MUC4: variants seen among roughly 807,000 people sequenced by gnomAD.
MUC4 encodes the protein mucin 4, cell surface associated.
Under a neutral mutation model 257.9 loss-of-function variants are expected in MUC4, and 202 were observed. That is an observed-to-expected ratio of 0.78 (90% CI 0.70 to 0.88). MUC4 has a LOEUF of 0.88. Among genes scored for constraint, MUC4 ranks in the 40% least tolerant of loss-of-function variants. The pLI is 0.00. For synonymous variants in MUC4, 2,351 were observed against 2,757.1 expected (o/e 0.85, Z 4.62); for missense variants, 5,976 against 6,513.7 (o/e 0.92, Z 2.84).
chr3:195,789,204 G>A lies in MUC4; in HGVS notation c.2376C>T (p.Ser792=), dbSNP rs1387921892. The A allele has an allele frequency of 4.3e-6, 7 of 1,613,754 alleles. No individual in the cohort carries two copies. Among genetic ancestry groups the A allele is most frequent in the Non-Finnish European group, 5.1e-6 (6 of 1,179,870 alleles). Residue 792 remains serine (S), a synonymous_variant, in exon 2 of 25, where the codon TCC becomes TCT. Coordinates refer to ENST00000463781, the MANE Select transcript of MUC4 (RefSeq NM_018406.7). ...SGQTQTSEPA[S]SGSRTTSAGT... ...CCGCTGAGGTGGTTCGTGACCCTGA[G>A]GAGGCCGGTTCGCTGGTCTGTGTTT...
Position 195,751,316 on chromosome 3 carries a change from C to G in MUC4, c.15583-45G>C, listed in dbSNP as rs371423242. The G allele has an allele frequency of 4.3e-5, 63 of 1,455,362 alleles. 1 individual carries two copies. In the South Asian group the frequency reaches 6.8e-4, roughly 16 times the overall value. The allele number at this position is 1,455,362 out of a possible 1,614,324, so 90.2% of individuals were successfully genotyped here. A position where few individuals can be genotyped will look rare whatever the true frequency, so the allele number is the denominator to read the frequency against. Reference sequence around the variant, plus strand: ...ATGGGGGTGGGGGTGAGGCCCCATCCGGGGGGGAGACGCCCTCCCACCTTG... The same window carrying G: ...ATGGGGGTGGGGGTGAGGCCCCATCGGGGGGGGAGACGCCCTCCCACCTTG... On this transcript the variant is annotated intron_variant, in intron 21 of 24. Coordinates refer to ENST00000463781, the MANE Select transcript of MUC4 (RefSeq NM_018406.7).
In MUC4 at chr3:195,788,913, T is replaced by C; in HGVS notation, c.2667A>G (p.Ser889=). 6.2e-7 allele frequency: 1 copy of C among 1,613,626 alleles called. No homozygotes were observed. The highest frequency in any genetic ancestry group is 8.5e-7 in the Non-Finnish European group (1 of 1,179,742). The change falls in exon 2 of 25, where the codon TCA becomes TCG. Residue 889 remains serine, a synonymous_variant. Coordinates refer to ENST00000463781, the MANE Select transcript of MUC4 (RefSeq NM_018406.7). The stretch of plus-strand genomic sequence containing the variant: ...GAGAGGCACTGGGAGAAGTTGGGCT[T>C]GACTGTCCTGTCGGTCTCCCTGCAG... ...ASTAGRPTGQ[S]SPTSPSASPQ...
At position 195,749,011 on chromosome 3, in the gene MUC4, C is replaced by A. The variant is rs780387300; in HGVS notation, c.15925G>T (p.Asp5309Tyr). ...YFRCDGYKGY[D>Y]LVYSPQSGFT... Reference sequence around the variant, plus strand: ...CCGCTCTGGGGGCTGTAGACCAGGTCGTAGCCCTTGTAGCCATCGCATCTG... The same window carrying A: ...CCGCTCTGGGGGCTGTAGACCAGGTAGTAGCCCTTGTAGCCATCGCATCTG... Residue 5309 changes from aspartate (D) to tyrosine (Y), a missense_variant, in exon 24 of 25, where the codon GAC becomes TAC. Coordinates refer to ENST00000463781, the MANE Select transcript of MUC4 (RefSeq NM_018406.7). 4.3e-6 allele frequency: 7 copies of A among 1,609,596 alleles called. No homozygotes were observed. The African/African-American group carries it at 9.4e-5, about 22-fold the overall frequency.
chr3:195,767,435 T>TCCC lies in MUC4; in HGVS notation c.13530-685_13530-684insGGG, dbSNP rs1560260111. The stretch of plus-strand genomic sequence containing the variant: ...GTCACCACCAACACTACCATCACCA[T>TCCC]CACCATCACCACCACCACCACCAAC... On this transcript the variant is annotated intron_variant, in intron 7 of 24. Transcript: ENST00000463781. Among the ~76,000 whole-genome samples the TCCC allele has an allele frequency of 7.7e-4, 75 of 97,356 alleles. 1 individual carries two copies. The highest frequency in any genetic ancestry group is 3.1e-3 in the Admixed American group (33 of 10,622). 63.9% of individuals were successfully genotyped at this position (97,356 alleles called of 152,430 possible). A position where few individuals can be genotyped will look rare whatever the true frequency, so the allele number is the denominator to read the frequency against.
chr3:195,774,785 A>C (rs1194371053), intron 3 of MUC4, among the ~76,000 whole-genome samples: 1 of 151,758 alleles, frequency 6.6e-6, no homozygotes, highest in African/African-American at 2.4e-5. Flanking sequence ...CTGTAATCCC[A>C]GCCACTCGGG....
chr3:195,769,131 G>A lies in MUC4; in HGVS notation c.13420C>T (p.Leu4474Phe), dbSNP rs775038197. 6.2e-6 allele frequency: 10 copies of A among 1,614,008 alleles called. No individual in the cohort carries two copies. Among genetic ancestry groups the A allele is most frequent in the East Asian group, 2.2e-5 (1 of 44,898 alleles). Residue 4474 changes from leucine to phenylalanine, a missense_variant, in exon 7 of 25, where the codon CTC becomes TTC. Leu to Phe is a conservative substitution (Grantham distance 22, BLOSUM62 0). Around this residue, in one of 44 missense-constraint regions of MUC4, gnomAD observed 996 missense variants for 1,137.3 expected, o/e 0.88. Coordinates refer to ENST00000463781, the MANE Select transcript of MUC4 (RefSeq NM_018406.7). ...TAGGACCTGCTCCCGTCCGTGGAGA[G>A]GATGGCTTGGTAGGTGTTGCTCTGG... Reference protein sequence around the residue: ...TLGSNTYQAILSTDGSRSYAL... With the variant: ...TLGSNTYQAIFSTDGSRSYAL...
chr3:195,748,609 G>A (rs567757414), intron 24 of MUC4, among the ~76,000 whole-genome samples: 1 of 152,408 alleles, frequency 6.6e-6, no homozygotes, highest in South Asian at 2.1e-4. Flanking sequence ...ACCATGCCCT[G>A]CTGCTTAACC....
Position 195,771,816 on chromosome 3 carries a change from A to G in MUC4, c.13078T>C (p.Phe4360Leu). 1 of 1,613,682 alleles carries G rather than the reference A, an allele frequency of 6.2e-7. No individual in the cohort carries two copies. ...LGSSLRDSLYFTDNGQIIFPE... is the reference protein window; with the variant it reads ...LGSSLRDSLYLTDNGQIIFPE... ...AAGATGATCTGGCCATTGTCTGTGA[A>G]CTGAGCACATGGGTTTTGTGGTCAG... The change falls in exon 5 of 25, where the codon TTC (phenylalanine) becomes CTC (leucine). Residue 4360 changes from phenylalanine to leucine, a missense_variant and splice_region_variant. By Grantham distance (22) the Phe-to-Leu change is conservative. Around this residue, in one of 44 missense-constraint regions of MUC4, gnomAD observed 233 missense variants for 171.2 expected, o/e 1.36. Coordinates refer to ENST00000463781, the MANE Select transcript of MUC4 (RefSeq NM_018406.7).
At position 195,791,497 on chromosome 3, in the gene MUC4, C is replaced by T. The variant is rs769656871; in HGVS notation, c.83G>A (p.Gly28Glu). Reference protein sequence around the residue: ...CLCLLPHVVPGTTEDTLITGS... With the variant: ...CLCLLPHVVPETTEDTLITGS... ...AGTTATTAATGTGTCCTCTGTGGTT[C>T]CTGGAGTGAACCAAAATAGGCAAGC... The change falls in exon 2 of 25, where the codon GGA (glycine) becomes GAA (glutamate). Residue 28 changes from glycine (G) to glutamate (E), a missense_variant and splice_region_variant. Gly to Glu is a moderately conservative substitution (Grantham distance 98). Transcript: ENST00000463781. 3 of 1,607,526 alleles carry T rather than the reference C, an allele frequency of 1.9e-6. No individual in the cohort carries two copies. The highest frequency in any genetic ancestry group is 4.5e-5 in the East Asian group (2 of 44,784).
rs768339649 is a variant in MUC4, at chr3:195,750,892, C to T, written c.15868G>A (p.Ala5290Thr). 6.2e-7 allele frequency: 1 copy of T among 1,613,086 alleles called. No homozygotes were observed. Among genetic ancestry groups the T allele is most frequent in the Non-Finnish European group, 8.5e-7 (1 of 1,179,888 alleles). ...TCCCCGGAATGGACGGACTCACGGG[C>T]TGTCACATCGCGCACGTCTTCCCCG... is the stretch of plus-strand genomic sequence containing the variant. ...ISGEDVRDVT[A>T]LNVSTLKAYF... The change falls in exon 23 of 25, where the codon GCC (alanine) becomes ACC (threonine). Residue 5290 changes from alanine (A) to threonine (T), a missense_variant. Around this residue, in one of 44 missense-constraint regions of MUC4, gnomAD observed 310 missense variants for 242.1 expected, o/e 1.28. Coordinates refer to ENST00000463781, the MANE Select transcript of MUC4 (RefSeq NM_018406.7).
chr3:195,778,391 T>C lies in MUC4; in HGVS notation c.12855A>G (p.Thr4285=), dbSNP rs749069531. ...GRRTATSPPP[T]TSQTIISTIP... Reference sequence around the variant, plus strand: ...TGGTGGAAATGATGGTCTGGGAGGTTGTGGGGGGTGGTGATGTGGCTGTGC... The same window carrying C: ...TGGTGGAAATGATGGTCTGGGAGGTCGTGGGGGGTGGTGATGTGGCTGTGC... Residue 4285 remains threonine (T), a synonymous_variant, in exon 3 of 25, where the codon ACA becomes ACG. Transcript: ENST00000463781. The C allele has an allele frequency of 6.2e-7, 1 of 1,613,052 alleles. No homozygotes were observed. The highest frequency in any genetic ancestry group is 8.5e-7 in the Non-Finnish European group (1 of 1,179,858).
chr3:195,773,768 C>G (rs747855318), intron 4 of MUC4, among the ~76,000 whole-genome samples: 1 of 152,080 alleles, frequency 6.6e-6, no homozygotes, highest in Non-Finnish European at 1.5e-5. Flanking sequence ...GACACCCTCT[C>G]CATCGCTCAG....
Position 195,782,175 on chromosome 3 carries a change from G to C in MUC4, c.9405C>G (p.Thr3135=), listed in dbSNP as rs769389598. The part of the protein sequence containing the change: ...DTSSASTGQA[T]ALPVTSTSSA... ...AGGAAGTGCTGGTGACAGGAAGAGC[G>C]GTGGCCTGACCTGTGGATGCTGAGG... Residue 3135 remains threonine (T), a synonymous_variant, in exon 2 of 25, where the codon ACC becomes ACG. Coordinates refer to ENST00000463781, the MANE Select transcript of MUC4 (RefSeq NM_018406.7). 3.6e-5 allele frequency: 49 copies of C among 1,371,380 alleles called. 2 individuals are homozygous for C. In the African/African-American group the frequency reaches 5.4e-4, roughly 15 times the overall value. The allele number at this position is 1,371,380 out of a possible 1,614,324, so 85.0% of individuals were successfully genotyped here.
chr3:195,763,538 G>A lies in MUC4; in HGVS notation c.14148C>T (p.Ser4716=), dbSNP rs1719712333. 1 of 1,585,650 alleles carries A rather than the reference G, an allele frequency of 6.3e-7. No individual in the cohort carries two copies. Among genetic ancestry groups the A allele is most frequent in the Non-Finnish European group, 8.6e-7 (1 of 1,165,120 alleles). Residue 4716 remains serine, a synonymous_variant, in exon 12 of 25, where the codon TCC becomes TCT. Coordinates refer to ENST00000463781, the MANE Select transcript of MUC4 (RefSeq NM_018406.7). ...FLLVGAQDGN[S]SFLLQGRTAQ... Reference sequence around the variant, plus strand: ...CGGTGCGGCCCTGAAGCAGGAAGGAGGAGTTCCCGTCTTGGGCCCCGACCA... The same window carrying A: ...CGGTGCGGCCCTGAAGCAGGAAGGAAGAGTTCCCGTCTTGGGCCCCGACCA...
At position 195,782,137 on chromosome 3, in the gene MUC4, C is replaced by G. The variant is rs1246180458; in HGVS notation, c.9443G>C (p.Gly3148Ala). Residue 3148 changes from glycine to alanine, a missense_variant, in exon 2 of 25, where the codon GGT (glycine) becomes GCT (alanine). Around this residue, in one of 44 missense-constraint regions of MUC4, gnomAD observed 128 missense variants for 104.8 expected, o/e 1.22. Transcript: ENST00000463781. ...PVTSTSSAST[G>A]DTTPLPVTDT... ...GGTGACAGGAAGAGGGGTGGTGTCA[C>G]CTGTGGATGCTGAGGAAGTGCTGGT... The G allele has an allele frequency of 2.9e-6, 4 of 1,356,516 alleles. No individual in the cohort carries two copies. The highest frequency in any genetic ancestry group is 3.9e-6 in the Non-Finnish European group (4 of 1,033,534). 84.0% of individuals were successfully genotyped at this position (1,356,516 alleles called of 1,614,324 possible).
chr3:195,766,582 TCTAGGA>T, intron 8 of MUC4, 75 bp downstream of exon 8: 1 of 1,295,420 alleles, frequency 7.7e-7, no homozygotes, highest in Admixed American at 1.7e-5. Context: ...GGAGGTGCCC[TCTAGGA>T]CTGCGATGGT....
chr3:195,771,901 G>A, intron 4 of MUC4, 85 bp from the exon 5 acceptor site: 1 of 1,458,520 alleles, frequency 6.9e-7, no homozygotes, highest in Non-Finnish European at 9.5e-7. Context: ...TCAAAAGCGT[G>A]ACCCCCAAGG....
chr3:195,775,940 C>G, intron 3 of MUC4, among the ~76,000 whole-genome samples: 1 of 86,840 alleles, frequency 1.2e-5, no homozygotes, highest in Non-Finnish European at 2.2e-5. Flanking sequence ...CACAGTCATA[C>G]CTTCCACACC....
chr3:195,778,733 C>G, intron 2 of MUC4, 57 bp downstream of exon 2: 2 of 1,513,536 alleles, frequency 1.3e-6, no homozygotes, highest in Non-Finnish European at 1.8e-6. Flanking sequence ...ACTCCTTAGG[C>G]TGAATTCCGC....
Sources: allele counts gnomAD v4.1 joint callset (sites outside exome capture counted in the v4.1 genomes callset), GRCh38; gene constraint gnomAD v4.1.1; regional missense constraint gnomAD v4.1.1; transcripts MANE v1.5; gene names NCBI Gene and HGNC (gene_info 2026-07-23, HGNC 2026-07-21).